Variants in MLIP observed in about 807,000 individuals in gnomAD.
The protein encoded by MLIP is muscular LMNA-interacting protein.
A neutral mutation model predicts 84.8 loss-of-function variants in MLIP; 79 were observed. The observed-to-expected ratio is 0.93, with a 90% CI of 0.78 to 1.12. MLIP has a LOEUF of 1.12. MLIP is among the 50% of genes most tolerant of loss of function. The pLI is 0.00. For missense variants in MLIP, 1,257 were observed against 1,160.6 expected, an observed-to-expected ratio of 1.08 and a Z score of -1.21; for synonymous variants, 504 against 463.0, an observed-to-expected ratio of 1.09 and a Z score of -1.14.
intron 1 of MLIP, among the ~76,000 whole-genome samples, chr6:54,021,843 C>T (rs1763515276): frequency 6.6e-6 from 1 of 152,200 alleles, no homozygotes; most frequent in South Asian, 2.1e-4. Context: ...GATGTTATTC[C>T]AATATTTCAA....
At chr6:54,141,907 T>C (rs1026848046) in intron 4 of MLIP, among the ~76,000 whole-genome samples, 2 of 152,182 alleles carry the variant, frequency 1.3e-5, no homozygotes, top group Non-Finnish European at 2.9e-5. Flanking sequence ...TTTGGACACA[T>C]AGCTTATTTA....
At chr6:54,172,015 C>T (rs936187686) in intron 9 of MLIP, among the ~76,000 whole-genome samples, 1 of 151,358 alleles carries the variant, frequency 6.6e-6, no homozygotes, top group African/African-American at 2.4e-5. Context: ...AAGCAGGGAT[C>T]GTGCAGGTTA....
intron 1 of MLIP, among the ~76,000 whole-genome samples, chr6:54,061,209 A>G (rs569991398): frequency 6.6e-6 from 1 of 152,262 alleles, no homozygotes; most frequent in South Asian, 2.1e-4. Context: ...TCATCATATT[A>G]GTAGAAACAC....
chr6:54,227,877 C>T (rs553962117), intron 11 of MLIP, among the ~76,000 whole-genome samples: 2 of 152,142 alleles, frequency 1.3e-5, no homozygotes, highest in South Asian at 4.2e-4. Flanking sequence ...ATGTAAGACA[C>T]AGGCTATTAG....
rs558272337 is a variant in MLIP, at chr6:54,247,936, C to A, written c.2923-9372C>A. Among the ~76,000 whole-genome samples, 105 of 152,188 alleles carry A rather than the reference C, an allele frequency of 6.9e-4. 1 individual carries two copies. The highest frequency in any genetic ancestry group is 2.5e-3 in the African/African-American group (103 of 41,510). ...ATTTTCTTAAATACTCTTCCAAATC[C>A]TTGCAACACATCAATTGACATCTGT... On this transcript the variant is annotated intron_variant, in intron 12 of 13. Coordinates refer to ENST00000502396, the MANE Select transcript of MLIP (RefSeq NM_001281747.2).
chr6:54,064,213 G>A lies in MLIP; in HGVS notation c.63+45122G>A, dbSNP rs1194345882. Among the ~76,000 whole-genome samples the A allele has an allele frequency of 2.0e-5, 2 of 99,678 alleles. 1 individual carries two copies. The highest frequency in any genetic ancestry group is 5.1e-5 in the African/African-American group (2 of 38,972). 65.4% of individuals were successfully genotyped at this position (99,678 alleles called of 152,430 possible). ...TCCCCAGTGTCAAGAGTTAACAACA[G>A]GTACACGTTTATTTGTCACCTAGGG... On this transcript the variant is annotated intron_variant, in intron 1 of 12. Transcript: ENST00000274897.
At chr6:54,021,036 T>C (rs938927550) in intron 1 of MLIP, among the ~76,000 whole-genome samples, 3 of 152,042 alleles carry the variant, frequency 2.0e-5, no homozygotes, top group African/African-American at 4.8e-5. Flanking sequence ...TTTAAGAGAG[T>C]TGGAAAATCT....
At chr6:54,111,281 C>T (rs1769439377), upstream of MLIP, 2 of 870,384 alleles carry the variant, frequency 2.3e-6, no homozygotes, top group Middle Eastern at 3.7e-4. Flanking sequence ...TATGACCTCT[C>T]ATAATGTTCC....
intron 11 of MLIP, among the ~76,000 whole-genome samples, chr6:54,208,439 A>T (rs1055501316): frequency 1.3e-5 from 2 of 152,018 alleles, no homozygotes; most frequent in African/African-American, 2.4e-5. Context: ...TTTAAAAATC[A>T]GCCAGGTGTG....
intron 9 of MLIP, among the ~76,000 whole-genome samples, chr6:54,173,850 T>C (rs943266556): frequency 2.0e-5 from 3 of 151,826 alleles, no homozygotes; most frequent in Admixed American, 1.3e-4. Flanking sequence ...TTTTTTGTAC[T>C]CGATAACCAT....
At chr6:54,184,912 C>T (rs1777242234) in intron 9 of MLIP, among the ~76,000 whole-genome samples, 1 of 152,124 alleles carries the variant, frequency 6.6e-6, no homozygotes, top group Non-Finnish European at 1.5e-5. Context: ...AAATGTTACT[C>T]TTCCCAGTTG....
chr6:54,163,971 C>T (rs185414837), intron 8 of MLIP, among the ~76,000 whole-genome samples: 34 of 151,862 alleles, frequency 2.2e-4, no homozygotes, highest in African/African-American at 7.5e-4. Flanking sequence ...CAACATTTTC[C>T]CCCAGGCTTC....
intron 11 of MLIP, chr6:54,217,002 C>T: frequency 1.0e-6 from 1 of 985,314 alleles, no homozygotes; most frequent in South Asian, 4.7e-5. Context: ...AATGCTATGG[C>T]TCTGATTTTA....
intron 9 of MLIP, among the ~76,000 whole-genome samples, chr6:54,187,317 TA>T (rs1415449154): frequency 6.6e-6 from 1 of 151,274 alleles, no homozygotes; most frequent in Non-Finnish European, 1.5e-5. Flanking sequence ...AAATAGAAAA[TA>T]AAAAGCACAC....
chr6:54,257,548 C>T (rs1328433415), intron 13 of MLIP, among the ~76,000 whole-genome samples, 187 bp downstream of exon 13: 1 of 152,058 alleles, frequency 6.6e-6, no homozygotes, highest in Non-Finnish European at 1.5e-5. Context: ...TGCTGCCTCT[C>T]AATGTAGAAG....
At chr6:54,202,040 C>G in intron 10 of MLIP, 65 bp from the exon 11 acceptor site, 1 of 1,174,942 alleles carries the variant, frequency 8.5e-7, no homozygotes, top group South Asian at 2.3e-5. Flanking sequence ...TAACAATAAA[C>G]ATATTTGTTC....
intron 11 of MLIP, among the ~76,000 whole-genome samples, chr6:54,212,934 T>C (rs2150746936): frequency 6.6e-6 from 1 of 152,352 alleles, no homozygotes; most frequent in Non-Finnish European, 1.5e-5. Flanking sequence ...GCTGTAAATA[T>C]ACTTAATAAG....
chr6:54,217,143 A>G (rs993264912), intron 11 of MLIP: 7 of 985,400 alleles, frequency 7.1e-6, no homozygotes, highest in Non-Finnish European at 7.2e-6. Flanking sequence ...AATTTTACCT[A>G]TGGTACTCTG....
At chr6:54,060,902 A>G (rs1316191827) in intron 1 of MLIP, among the ~76,000 whole-genome samples, 1 of 152,076 alleles carries the variant, frequency 6.6e-6, no homozygotes, top group Non-Finnish European at 1.5e-5. Flanking sequence ...TGCCCTAGGG[A>G]GAAATCAGAT....
Sources: allele counts gnomAD v4.1 joint callset (sites outside exome capture counted in the v4.1 genomes callset), GRCh38; gene constraint gnomAD v4.1.1; transcripts MANE v1.5; gene names NCBI Gene and HGNC (gene_info 2026-07-23, HGNC 2026-07-21).